Variants in ACSS2 observed in about 807,000 individuals in gnomAD.
ACSS2 encodes the protein acetyl-coenzyme A synthetase, cytoplasmic.
In ACSS2, 58 loss-of-function variants were observed where a neutral mutation model predicts 90.6. That is an observed-to-expected ratio of 0.64 (90% CI 0.52 to 0.80). ACSS2 has a LOEUF of 0.80. Among genes scored for constraint, ACSS2 ranks in the 30% least tolerant of loss-of-function variants. ACSS2 has a pLI of 0.00. For synonymous variants in ACSS2, 300 were observed against 330.9 expected (o/e 0.91, Z 1.01); for missense variants, 759 against 912.0 (o/e 0.83, Z 2.16).
At position 34,920,696 on chromosome 20, in the gene ACSS2, C is replaced by A. The variant is rs1308225578; in HGVS notation, c.1130C>A (p.Ala377Asp). 1 of 1,611,840 alleles carries A rather than the reference C, an allele frequency of 6.2e-7. No individual in the cohort carries two copies. The highest frequency in any genetic ancestry group is 8.5e-7 in the Non-Finnish European group (1 of 1,178,862). Residue 377 changes from alanine to aspartate, a missense_variant, in exon 9 of 18, where the codon GCC becomes GAC. By Grantham distance (126) the Ala-to-Asp change is moderately radical. Transcript: ENST00000360596. Reference sequence around the variant, plus strand: ...ACCTATGGGCCACTGGCCAATGGTGCCACCAGTGTTTTGGTGAGAAGGGAG... The same window carrying A: ...ACCTATGGGCCACTGGCCAATGGTGACACCAGTGTTTTGGTGAGAAGGGAG... ...YVTYGPLANGATSVLFEGIPT... is the reference protein window; with the variant it reads ...YVTYGPLANGDTSVLFEGIPT...
chr20:34,913,223 G>A (rs1009127579), intron 3 of ACSS2, 36 bp downstream of exon 3: 2 of 1,604,080 alleles, frequency 1.2e-6, no homozygotes, highest in African/African-American at 2.7e-5. Context: ...CTGGGGGTCT[G>A]GCCTTGGGGT....
chr20:34,921,887 A>T (rs745547412), intron 13 of ACSS2, 21 bp downstream of exon 13: 1 of 1,605,584 alleles, frequency 6.2e-7, no homozygotes. Flanking sequence ...GGCCCTTGGG[A>T]GTCTTTAAGG....
rs139489319 is a variant in ACSS2 at position 34,882,893 on chromosome 20, T to C, written c.278T>C (p.Ile93Thr). The change falls in exon 2 of 18, where the codon ATT (isoleucine) becomes ACT (threonine). Residue 93 changes from isoleucine to threonine, a missense_variant. Ile to Thr is a moderately conservative substitution (Grantham distance 89). Coordinates refer to ENST00000360596, the MANE Select transcript of ACSS2 (RefSeq NM_018677.4). ...GATGTGACTAAAGGGAAAATCTTCA[T>C]TGAGTGGATGAAAGGAGCAACTACC... The part of the protein sequence containing the change: ...NFDVTKGKIF[I>T]EWMKGATTNI... 5.0e-6 allele frequency: 8 copies of C among 1,613,848 alleles called. No individual in the cohort carries two copies. The highest frequency in any genetic ancestry group is 1.6e-4 in the Middle Eastern group (1 of 6,084).
chr20:34,876,884 G>A, intron 1 of ACSS2, 61 bp downstream of exon 1: 2 of 1,140,100 alleles, frequency 1.8e-6, no homozygotes, highest in Non-Finnish European at 2.2e-6. Context: ...GGCTCCCTGG[G>A]GGAGTCGGGG....
chr20:34,896,320 C>A (rs1192674501), intron 2 of ACSS2, among the ~76,000 whole-genome samples: 1 of 152,198 alleles, frequency 6.6e-6, no homozygotes, highest in East Asian at 1.9e-4. Context: ...GGGTTCTCTT[C>A]CAGCCTCTTC....
intron 2 of ACSS2, among the ~76,000 whole-genome samples, chr20:34,884,394 G>A (rs1476709490): frequency 6.6e-6 from 1 of 152,162 alleles, no homozygotes; most frequent in Non-Finnish European, 1.5e-5. Flanking sequence ...AGAAATTTAG[G>A]TTCTCCTTTC....
At chr20:34,893,575 C>T (rs935478616) in intron 2 of ACSS2, 2 of 143,078 alleles carry the variant, frequency 1.4e-5, no homozygotes. Flanking sequence ...TTAGTGGAGA[C>T]GTGGTTTTGC....
At chr20:34,904,980 T>C (rs1202163159) in intron 2 of ACSS2, among the ~76,000 whole-genome samples, 3 of 140,324 alleles carry the variant, frequency 2.1e-5, no homozygotes, top group Non-Finnish European at 3.0e-5. Context: ...TATAGTAGCA[T>C]CAACGTGGCT....
chr20:34,898,245 G>GCA (rs1568975494), intron 2 of ACSS2, among the ~76,000 whole-genome samples: 3 of 151,410 alleles, frequency 2.0e-5, no homozygotes, highest in African/African-American at 7.2e-5. Context: ...CTGCTGGCTG[G>GCA]GGCAGCCTGC....
At chr20:34,904,227 C>T (rs1485988345) in intron 2 of ACSS2, among the ~76,000 whole-genome samples, 1 of 150,466 alleles carries the variant, frequency 6.6e-6, no homozygotes, top group Non-Finnish European at 1.5e-5. Context: ...GAGAGGAGCG[C>T]AGGGAGTATT....
chr20:34,903,876 A>G (rs2147043359), intron 2 of ACSS2, among the ~76,000 whole-genome samples: 1 of 151,576 alleles, frequency 6.6e-6, no homozygotes, highest in Admixed American at 6.6e-5. Context: ...GTCTCAAAAA[A>G]AAAAAAAAAA....
chr20:34,915,377 C>A, intron 7 of ACSS2: 1 of 1,174,000 alleles, frequency 8.5e-7, no homozygotes, highest in East Asian at 2.4e-5. Flanking sequence ...TCCCCTTGCC[C>A]CTGGGCAACT....
intron 1 of ACSS2, among the ~76,000 whole-genome samples, chr20:34,877,894 G>GGACA (rs1555878346): frequency 2.5e-5 from 2 of 78,534 alleles, no homozygotes; most frequent in African/African-American, 1.1e-4. Context: ...TCTGGGTAAA[G>GGACA]GACAGATAGA....
At chr20:34,912,927 C>G (rs901318875) in intron 2 of ACSS2, among the ~76,000 whole-genome samples, 169 bp from the exon 3 acceptor site, 1 of 152,174 alleles carries the variant, frequency 6.6e-6, no homozygotes, top group African/African-American at 2.4e-5. Flanking sequence ...AAGTATCTGA[C>G]CCGTCAGCTC....
chr20:34,886,032 A>T (rs928539002), intron 2 of ACSS2, among the ~76,000 whole-genome samples: 3 of 151,948 alleles, frequency 2.0e-5, no homozygotes, highest in Admixed American at 6.5e-5. Flanking sequence ...GCATTTTATT[A>T]TAAGAAAGTA....
chr20:34,926,183 A>G lies in ACSS2; in HGVS notation c.1805A>G (p.His602Arg). The change falls in exon 16 of 18, where the codon CAC becomes CGC. Residue 602 changes from histidine to arginine, a missense_variant. Physicochemically the swap from His to Arg is conservative, Grantham distance 29. Coordinates refer to ENST00000360596, the MANE Select transcript of ACSS2 (RefSeq NM_018677.4). The part of the protein sequence containing the change: ...EAVAEAAVVG[H>R]PHPVKGECLY... ...GTTGCAGAGGCAGCTGTGGTGGGCC[A>G]CCCTCATCCTGTGAAGGGTGAATGC... 6.2e-7 allele frequency: 1 copy of G among 1,614,152 alleles called. No homozygotes were observed.
At chr20:34,918,927 T>C (rs1347187892) in intron 7 of ACSS2, among the ~76,000 whole-genome samples, 1 of 152,214 alleles carries the variant, frequency 6.6e-6, no homozygotes, top group Non-Finnish European at 1.5e-5. Context: ...TTGGGAGATA[T>C]GGCAGGGGTC....
At chr20:34,881,331 C>A (rs1478397835) in intron 1 of ACSS2, among the ~76,000 whole-genome samples, 1 of 152,060 alleles carries the variant, frequency 6.6e-6, no homozygotes, top group Non-Finnish European at 1.5e-5. Context: ...GCCACAGTGC[C>A]TGGCATCCTC....
At position 34,909,460 on chromosome 20, in the gene ACSS2, CAAGATGATCAATTTCTACACAT is replaced by C. The variant is rs1326156714; in HGVS notation, c.375-3630_375-3609del. 5.9e-5 allele frequency among the ~76,000 whole-genome samples: 9 copies of C among 152,178 alleles called. No individual in the cohort carries two copies. In the South Asian group the frequency reaches 1.7e-3, roughly 28 times the overall value. ...AGGTATATTGTTAAATTTGAAAAAT[CAAGATGATCAATTTCTACACAT>C]AAGATTTGTGCATTTTATTGAATGC... On this transcript the variant is annotated intron_variant, in intron 2 of 17. Coordinates refer to ENST00000360596, the MANE Select transcript of ACSS2 (RefSeq NM_018677.4).
Sources: gnomAD v4.1 joint callset for allele counts (sites outside exome capture counted in the v4.1 genomes callset) on GRCh38, gnomAD v4.1.1 for gene constraint, MANE v1.5 for transcripts, NCBI Gene and HGNC (gene_info 2026-07-23, HGNC 2026-07-21) for gene names.